CIMIP4: variants seen among roughly 807,000 people sequenced by gnomAD.
The protein encoded by CIMIP4 is protein EAN57.
the CIMIP4 span, among the ~76,000 whole-genome samples, chr22:37,005,986 G>A: frequency 6.6e-6 from 1 of 152,166 alleles, no homozygotes; most frequent in Non-Finnish European, 1.5e-5. Flanking sequence ...AAGATCAAAG[G>A]ATGAGGGTAT....
At chr22:37,001,901 A>C in the CIMIP4 span, 394 of 1,612,892 alleles carry the variant, frequency 2.4e-4, 3 homozygotes, top group African/African-American at 3.7e-3. Context: ...GTTGTTAGGA[A>C]TGATGCTGCC....
the CIMIP4 span, among the ~76,000 whole-genome samples, chr22:36,999,269 CA>C: frequency 1.6e-5 from 2 of 122,406 alleles, no homozygotes; most frequent in East Asian, 4.8e-4. Flanking sequence ...CCAGCCTGGG[CA>C]ATATGGTGAA....
the CIMIP4 span, among the ~76,000 whole-genome samples, chr22:36,995,588 G>A: frequency 6.6e-6 from 1 of 152,094 alleles, no homozygotes; most frequent in Non-Finnish European, 1.5e-5. Context: ...CCCACATGAA[G>A]TTCACCAAAC....
chr22:36,992,133 G>C, the CIMIP4 span, among the ~76,000 whole-genome samples: 1 of 152,040 alleles, frequency 6.6e-6, no homozygotes, highest in Non-Finnish European at 1.5e-5. Context: ...TGGATCACGA[G>C]GTCAGGGGTT....
the CIMIP4 span, among the ~76,000 whole-genome samples, chr22:36,993,005 GT>G: frequency 7.6e-4 from 109 of 143,972 alleles, no homozygotes; most frequent in Middle Eastern, 7.6e-3. Flanking sequence ...GTTAATTAAA[GT>G]TTTTTTTTTC....
the CIMIP4 span, chr22:37,002,425 C>A: frequency 1.6e-6 from 1 of 612,576 alleles, no homozygotes; most frequent in Non-Finnish European, 2.5e-6. Flanking sequence ...ACAAAGAGCC[C>A]CAGAGCTCCA....
At chr22:36,995,983 A>G in the CIMIP4 span, among the ~76,000 whole-genome samples, 1 of 152,200 alleles carries the variant, frequency 6.6e-6, no homozygotes, top group Admixed American at 6.5e-5. Flanking sequence ...GAGGTCAGCC[A>G]GATGCTGATA....
the CIMIP4 span, among the ~76,000 whole-genome samples, chr22:37,000,264 G>A: frequency 4.6e-5 from 7 of 151,136 alleles, no homozygotes; most frequent in Non-Finnish European, 4.4e-5. Flanking sequence ...ACATTGGGAC[G>A]GGGGGTCTCT....
chr22:36,997,547 ATAGCGCAGGTGCAC>A, the CIMIP4 span, among the ~76,000 whole-genome samples: 14 of 152,324 alleles, frequency 9.2e-5, no homozygotes, highest in South Asian at 2.9e-3. Flanking sequence ...GCCTTCCAAA[ATAGCGCAGGTGCAC>A]TAGCCCAGCT....
chr22:37,004,043 C>T, the CIMIP4 span: 7,450 of 1,537,854 alleles, frequency 4.8e-3, 301 homozygotes, highest in African/African-American at 0.09. Context: ...CAAAGCACCA[C>T]GTTTCATCGT....
At chr22:36,996,898 T>C in the CIMIP4 span, among the ~76,000 whole-genome samples, 1 of 152,224 alleles carries the variant, frequency 6.6e-6, no homozygotes, top group Non-Finnish European at 1.5e-5. Flanking sequence ...GAAGTACCAC[T>C]GCAGGTCACC....
chr22:37,006,857 A>G, the CIMIP4 span, among the ~76,000 whole-genome samples: 1 of 152,302 alleles, frequency 6.6e-6, no homozygotes, highest in South Asian at 2.1e-4. Context: ...TGATGAACTT[A>G]TAAGAGACTA....
the CIMIP4 span, chr22:37,003,975 G>A: frequency 6.5e-7 from 1 of 1,549,960 alleles, no homozygotes; most frequent in Non-Finnish European, 8.7e-7. Context: ...CCTGCTCCGT[G>A]GCCCAGCTCC....
the CIMIP4 span, among the ~76,000 whole-genome samples, chr22:36,992,328 C>CAG: frequency 6.6e-6 from 1 of 151,308 alleles, no homozygotes; most frequent in African/African-American, 2.4e-5. Context: ...GCCTGGGCAA[C>CAG]AGAGAGAGAC....
the CIMIP4 span, chr22:37,002,187 A>G: frequency 6.7e-7 from 1 of 1,489,358 alleles, no homozygotes. Context: ...TGTGGGGATG[A>G]CAGACCCTGG....
chr22:37,003,927 G>A, the CIMIP4 span: 1 of 1,533,166 alleles, frequency 6.5e-7, no homozygotes, highest in Non-Finnish European at 8.8e-7. Flanking sequence ...CCAGAAGCCT[G>A]GATGTGCATT....
the CIMIP4 span, chr22:37,004,000 TG>T: frequency 6.5e-7 from 1 of 1,549,244 alleles, no homozygotes; most frequent in Non-Finnish European, 8.7e-7. Context: ...CCTCTTGCTG[TG>T]GGACAGGCAA....
At chr22:36,994,138 G>A in the CIMIP4 span, among the ~76,000 whole-genome samples, 3 of 152,280 alleles carry the variant, frequency 2.0e-5, no homozygotes, top group South Asian at 6.2e-4. Context: ...AAAATTGACA[G>A]AACCACAGGA....
the CIMIP4 span, among the ~76,000 whole-genome samples, chr22:36,992,444 A>G: frequency 6.6e-6 from 1 of 152,202 alleles, no homozygotes; most frequent in Non-Finnish European, 1.5e-5. Context: ...ATCCAGAAAG[A>G]GCAGATAGAT....
Sources: gnomAD v4.1 joint callset for allele counts (sites outside exome capture counted in the v4.1 genomes callset) on GRCh38, gnomAD v4.1.1 for gene constraint, MANE v1.5 for transcripts, NCBI Gene and HGNC (gene_info 2026-07-23, HGNC 2026-07-21) for gene names.